Variants in ARNT2 observed in about 807,000 individuals in gnomAD.
ARNT2 encodes the protein aryl hydrocarbon receptor nuclear translocator 2.
In ARNT2, 36 loss-of-function variants were observed where a neutral mutation model predicts 91.7. The ratio of observed to expected loss-of-function variants is 0.39; its 90% CI spans 0.30 to 0.52. The LOEUF (loss-of-function observed/expected upper bound fraction) is 0.52. Among genes scored for constraint, ARNT2 ranks in the 20% least tolerant of loss-of-function variants. The probability of loss-of-function intolerance (pLI) is 0.72; values close to 1 mark genes in which losing one functional copy is unlikely to be tolerated. For synonymous variants in ARNT2, 365 were observed against 347.1 expected, an observed-to-expected ratio of 1.05 and a Z score of -0.57; for missense variants, 775 against 939.3, an observed-to-expected ratio of 0.83 and a Z score of 2.29.
intron 8 of ARNT2, among the ~76,000 whole-genome samples, chr15:80,540,190 G>A (rs1566996566): frequency 6.6e-6 from 1 of 152,176 alleles, no homozygotes; most frequent in Non-Finnish European, 1.5e-5. Context: ...GAATTGCTGA[G>A]TCCTGTGGTA....
In ARNT2 at chr15:80,591,763, C is replaced by T. The variant is rs1893284412; in HGVS notation, c.2055+59C>T. 1.9e-6 allele frequency: 3 copies of T among 1,602,864 alleles called. No homozygotes were observed. The highest frequency in any genetic ancestry group is 3.4e-4 in the Middle Eastern group (2 of 5,954). ...CCGGCGCCTTCTCTCTGCTTCCTTT[C>T]CCCCTCGGTCTCTGCCGCACCACCG... On this transcript the variant is annotated intron_variant, in intron 18 of 18. Transcript: ENST00000303329. This position sits in a 1 kb window ranked among gnomAD's most constrained non-coding sequence, Gnocchi z 5.1.
intron 2 of ARNT2, 38 bp downstream of exon 2, chr15:80,451,032 A>C: frequency 1.9e-6 from 3 of 1,547,340 alleles, no homozygotes; most frequent in Non-Finnish European, 2.7e-6. Context: ...TGGCTTAATA[A>C]ATGTTGAGCA....
chr15:80,414,371 C>G (rs749160369), intron 1 of ARNT2, among the ~76,000 whole-genome samples: 3 of 152,166 alleles, frequency 2.0e-5, no homozygotes, highest in Non-Finnish European at 2.9e-5. Context: ...TTGAGAAACT[C>G]TGGTCTATGG....
At chr15:80,470,469 G>GA (rs1339931992) in intron 4 of ARNT2, 38 bp downstream of exon 4, 1 of 1,597,656 alleles carries the variant, frequency 6.3e-7, no homozygotes, top group African/African-American at 1.3e-5. Flanking sequence ...AAAGCGGGGG[G>GA]AATCCCAGCG....
intron 1 of ARNT2, among the ~76,000 whole-genome samples, chr15:80,437,921 C>CCACA (rs1896115612): frequency 2.1e-5 from 1 of 47,626 alleles, no homozygotes; most frequent in African/African-American, 6.0e-5. Flanking sequence ...ATGTATTTAC[C>CCACA]TACACACACA....
At chr15:80,405,078 C>T (rs1895579710) in intron 1 of ARNT2, among the ~76,000 whole-genome samples, 1 of 152,192 alleles carries the variant, frequency 6.6e-6, no homozygotes, top group Non-Finnish European at 1.5e-5. Context: ...CCTAACCCTC[C>T]GGGGGCACAA....
chr15:80,458,245 A>T (rs1896506465), intron 3 of ARNT2, among the ~76,000 whole-genome samples: 1 of 152,176 alleles, frequency 6.6e-6, no homozygotes, highest in African/African-American at 2.4e-5. Context: ...GATTCATTTT[A>T]AAAAGACAAT....
At position 80,545,563 on chromosome 15, in the gene ARNT2, C is replaced by T. The variant is rs145323627; in HGVS notation, c.878-5636C>T. Among the ~76,000 whole-genome samples the T allele has an allele frequency of 6.7e-3, 1,013 of 152,156 alleles. 17 individuals carry two copies. The highest frequency in any genetic ancestry group is 0.022 in the African/African-American group (918 of 41,490). ...AGATGATTGGAGAGCTAACTGAAGT[C>T]GAAGCAGACAGGTTTGGTGTCCATT... On this transcript the variant is annotated intron_variant, in intron 8 of 18. Transcript: ENST00000303329.
At chr15:80,532,526 C>T (rs1246939249) in intron 8 of ARNT2, among the ~76,000 whole-genome samples, 4 of 152,136 alleles carry the variant, frequency 2.6e-5, no homozygotes, top group Non-Finnish European at 4.4e-5. Flanking sequence ...AGCTGATGTG[C>T]TCCGAATAGT....
At chr15:80,504,436 A>C (rs1217696690) in intron 5 of ARNT2, among the ~76,000 whole-genome samples, 2 of 152,206 alleles carry the variant, frequency 1.3e-5, no homozygotes, top group Non-Finnish European at 2.9e-5. Flanking sequence ...ATATTTGTGA[A>C]GTGATGGCTG....
chr15:80,533,034 G>T (rs1897763642), intron 8 of ARNT2, among the ~76,000 whole-genome samples: 2 of 152,350 alleles, frequency 1.3e-5, no homozygotes, highest in Middle Eastern at 3.4e-3. Context: ...GAAGCACTGT[G>T]TGGAGGCAGC....
intron 5 of ARNT2, among the ~76,000 whole-genome samples, chr15:80,498,842 A>C (rs975421114): frequency 6.6e-6 from 1 of 152,156 alleles, no homozygotes; most frequent in Non-Finnish European, 1.5e-5. Context: ...CTCACTGCCC[A>C]TCTGCTTCTG....
chr15:80,531,230 T>G (rs1371954009), intron 8 of ARNT2, among the ~76,000 whole-genome samples: 2 of 152,222 alleles, frequency 1.3e-5, no homozygotes, highest in Non-Finnish European at 2.9e-5. Context: ...CACTGTTCCC[T>G]GAGTGTTTGC....
rs1185771859 is a variant in ARNT2 at position 80,470,266 on chromosome 15, G to A, written c.243G>A (p.Gln81=). The change falls in exon 4 of 19, where the codon CAG becomes CAA. Residue 81 remains glutamine, a synonymous_variant. Transcript: ENST00000303329. The part of the protein sequence containing the change: ...IERRRRNKMT[Q]YITELSDMVP... Reference sequence around the variant, plus strand: ...GGCGCAGACGGAACAAGATGACTCAGTACATCACGGAGCTCTCCGACATGG... The same window carrying A: ...GGCGCAGACGGAACAAGATGACTCAATACATCACGGAGCTCTCCGACATGG... 1 of 1,614,162 alleles carries A rather than the reference G, an allele frequency of 6.2e-7. No homozygotes were observed. The highest frequency in any genetic ancestry group is 8.5e-7 in the Non-Finnish European group (1 of 1,180,034).
At chr15:80,437,051 T>TG (rs1304324336) in intron 1 of ARNT2, among the ~76,000 whole-genome samples, 13 of 152,192 alleles carry the variant, frequency 8.5e-5, no homozygotes, top group African/African-American at 3.1e-4. Context: ...TTGTCCTGGC[T>TG]GTTTGCTGGT....
intron 16 of ARNT2, 182 bp from the exon 17 acceptor site, chr15:80,581,057 C>A: frequency 1.5e-6 from 1 of 681,772 alleles, no homozygotes; most frequent in Non-Finnish European, 2.4e-6. Context: ...AAAGATCCTG[C>A]AGTTCCTGGG....
At chr15:80,551,173 G>A (rs769424488) in intron 8 of ARNT2, 26 bp from the exon 9 acceptor site, 1 of 1,604,512 alleles carries the variant, frequency 6.2e-7, no homozygotes. Flanking sequence ...GCATATTGTT[G>A]ATGACACAGG....
chr15:80,463,575 CTTTTTTTTTT>C (rs11358638), intron 3 of ARNT2, among the ~76,000 whole-genome samples: 33,239 of 113,476 alleles, frequency 0.29, 4,069 homozygotes, highest in Non-Finnish European at 0.32. Flanking sequence ...GGGTGATTTC[CTTTTTTTTTT>C]TTTTTTTTTT....
chr15:80,468,359 G>C (rs1896687468), intron 3 of ARNT2, among the ~76,000 whole-genome samples: 1 of 151,536 alleles, frequency 6.6e-6, no homozygotes, highest in Non-Finnish European at 1.5e-5. Context: ...GCTCTTATCA[G>C]CCTGCCATGC....
Sources: allele counts gnomAD v4.1 joint callset (sites outside exome capture counted in the v4.1 genomes callset), GRCh38; gene constraint gnomAD v4.1.1; non-coding constraint Gnocchi (gnomAD v3.1); transcripts MANE v1.5; gene names NCBI Gene and HGNC (gene_info 2026-07-23, HGNC 2026-07-21).